The following RMDN2 variants were observed in gnomAD, a reference collection of about 807,000 sequenced individuals.
RMDN2 encodes regulator of microtubule dynamics 2, also known as regulator of microtubule dynamics protein 2.
In RMDN2, 61 loss-of-function variants were observed where a neutral mutation model predicts 52.8. The ratio of observed to expected loss-of-function variants is 1.16; its 90% CI spans 0.94 to 1.43. The LOEUF is 1.43. RMDN2 is among the 40% of genes most tolerant of loss of function. RMDN2 has a pLI of 0.00. For synonymous variants in RMDN2, 180 were observed against 153.1 expected (o/e 1.18, Z -1.30); for missense variants, 592 against 475.3 (o/e 1.25, Z -2.28).
chr2:38,063,173 G>C (rs1016254503), intron 10 of RMDN2, among the ~76,000 whole-genome samples: 8 of 152,160 alleles, frequency 5.3e-5, no homozygotes, highest in Non-Finnish European at 1.2e-4. Context: ...TCTAGTTCTA[G>C]ATCCCTCAGG....
intron 10 of RMDN2, among the ~76,000 whole-genome samples, chr2:38,007,429 C>G (rs572122722): frequency 1.3e-5 from 2 of 152,172 alleles, no homozygotes; most frequent in African/African-American, 4.8e-5. Context: ...CTGGTTTAGT[C>G]TTGGGAGGGT....
intron 10 of RMDN2, among the ~76,000 whole-genome samples, chr2:38,014,772 G>T (rs1003220042): frequency 1.3e-5 from 2 of 152,290 alleles, no homozygotes; most frequent in East Asian, 3.9e-4. Flanking sequence ...AATTATAGAG[G>T]TGTACTCTGC....
chr2:37,944,805 A>T (rs575768831), intron 2 of RMDN2, among the ~76,000 whole-genome samples: 1 of 152,316 alleles, frequency 6.6e-6, no homozygotes, highest in East Asian at 1.9e-4. Flanking sequence ...CAGAGAACAT[A>T]TATTTTATGT....
At position 37,997,494 on chromosome 2, in the gene RMDN2, G is replaced by T; in HGVS notation, c.1024G>T (p.Ala342Ser). 1 of 1,611,370 alleles carries T rather than the reference G, an allele frequency of 6.2e-7. No homozygotes were observed. The highest frequency in any genetic ancestry group is 8.5e-7 in the Non-Finnish European group (1 of 1,177,562). ...AATACCATCTTCAACTGTACAAGAAGCTTTACACAATTTCCTTAAGGTACA... is the reference window on the plus strand; with the variant it reads ...AATACCATCTTCAACTGTACAAGAATCTTTACACAATTTCCTTAAGGTACA... The part of the protein sequence containing the change: ...GKIPSSTVQE[A>S]LHNFLKAEEL... The change falls in exon 8 of 11, where the codon GCT (alanine) becomes TCT (serine). Residue 342 changes from alanine (A) to serine (S), a missense_variant. Physicochemically the swap from Ala to Ser is moderately conservative, Grantham distance 99. Coordinates refer to ENST00000354545, the MANE Select transcript of RMDN2 (RefSeq NM_001170791.3).
intron 10 of RMDN2, among the ~76,000 whole-genome samples, chr2:38,039,097 G>C (rs2084169): frequency 0.11 from 8,676 of 76,872 alleles, 357 homozygotes; most frequent in Non-Finnish European, 0.15. Context: ...CACACACAGA[G>C]AGAGAGATAA....
At chr2:37,972,195 T>C (rs997795459) in intron 2 of RMDN2, among the ~76,000 whole-genome samples, 1 of 152,176 alleles carries the variant, frequency 6.6e-6, no homozygotes, top group African/African-American at 2.4e-5. Context: ...ATGTTAATAT[T>C]ATATTCAGCC....
At chr2:37,965,406 G>T (rs1670906680) in intron 2 of RMDN2, among the ~76,000 whole-genome samples, 1 of 145,870 alleles carries the variant, frequency 6.9e-6, no homozygotes, top group East Asian at 2.0e-4. Flanking sequence ...ATGTTTTGTG[G>T]TTGCCATGGG....
At position 37,967,262 on chromosome 2, in the gene RMDN2, C is replaced by G. The variant is rs77657391; in HGVS notation, c.453-6778C>G. 9.2e-4 allele frequency among the ~76,000 whole-genome samples: 140 copies of G among 152,304 alleles called. 2 individuals are homozygous for G. The East Asian group carries it at 0.023, about 25-fold the overall frequency. On this transcript the variant is annotated intron_variant, in intron 2 of 10. Transcript: ENST00000354545. ...TTCTGACTAAAAAATTAAAGTTAAA[C>G]AAACTTTCCATTGAATGGGTGCTAA... is the stretch of plus-strand genomic sequence containing the variant.
At chr2:37,952,054 A>G in intron 2 of RMDN2, 2 of 1,613,332 alleles carry the variant, frequency 1.2e-6, no homozygotes, top group Non-Finnish European at 1.7e-6. Flanking sequence ...TTCCTCCATA[A>G]AGCTGGATTT....
intron 8 of RMDN2, among the ~76,000 whole-genome samples, chr2:37,999,510 T>C (rs1181393967): frequency 6.6e-6 from 1 of 152,182 alleles, no homozygotes; most frequent in Non-Finnish European, 1.5e-5. Flanking sequence ...ATGCCTTCCA[T>C]GTTGTTTGTC....
chr2:37,962,876 A>T (rs1390785035), intron 2 of RMDN2, among the ~76,000 whole-genome samples: 2 of 152,186 alleles, frequency 1.3e-5, no homozygotes, highest in Non-Finnish European at 2.9e-5. Flanking sequence ...CAAAAAACAT[A>T]GGAAAAGCGT....
chr2:37,936,218 G>C (rs557342142), intron 2 of RMDN2, among the ~76,000 whole-genome samples: 1 of 152,312 alleles, frequency 6.6e-6, no homozygotes, highest in South Asian at 2.1e-4. Context: ...TCCCTGCAAA[G>C]GACATGATCT....
chr2:37,982,065 C>G (rs1321879555), intron 5 of RMDN2, among the ~76,000 whole-genome samples: 1 of 151,998 alleles, frequency 6.6e-6, no homozygotes, highest in Non-Finnish European at 1.5e-5. Context: ...ATGTATGACC[C>G]TTTCTTCAGC....
At chr2:37,945,688 C>A (rs571973708) in intron 2 of RMDN2, among the ~76,000 whole-genome samples, 1 of 152,126 alleles carries the variant, frequency 6.6e-6, no homozygotes, top group African/African-American at 2.4e-5. Context: ...TAATTTTTTC[C>A]AGATCCTGTC....
At chr2:37,969,459 A>T (rs920397272) in intron 2 of RMDN2, among the ~76,000 whole-genome samples, 1 of 151,280 alleles carries the variant, frequency 6.6e-6, no homozygotes, top group Non-Finnish European at 1.5e-5. Flanking sequence ...GGTATCTTAT[A>T]TTTTTCTTAC....
At chr2:37,934,433 A>C (rs1184188746) in intron 2 of RMDN2, among the ~76,000 whole-genome samples, 2 of 152,236 alleles carry the variant, frequency 1.3e-5, no homozygotes, top group Non-Finnish European at 2.9e-5. Flanking sequence ...GGTGGCCCTC[A>C]GAGGGGTCTG....
intron 8 of RMDN2, chr2:37,998,034 T>C (rs562431234): frequency 1.1e-4 from 18 of 162,316 alleles, no homozygotes; most frequent in Admixed American, 1.9e-4. Flanking sequence ...TGTCTTAAAA[T>C]GTATAATCGC....
intron 10 of RMDN2, among the ~76,000 whole-genome samples, chr2:38,061,857 C>CCAGCAA (rs1275418147): frequency 6.6e-6 from 1 of 152,154 alleles, no homozygotes; most frequent in East Asian, 1.9e-4. Flanking sequence ...CTGGGAGGTT[C>CCAGCAA]CAGCTGTTGC....
chr2:37,939,463 G>A (rs1315579244), intron 2 of RMDN2, among the ~76,000 whole-genome samples: 12 of 152,188 alleles, frequency 7.9e-5, no homozygotes, highest in East Asian at 5.8e-4. Context: ...TTTCTGTCTC[G>A]TTGATTTGTC....
Sources: allele counts gnomAD v4.1 joint callset (sites outside exome capture counted in the v4.1 genomes callset), GRCh38; gene constraint gnomAD v4.1.1; transcripts MANE v1.5; gene names NCBI Gene and HGNC (gene_info 2026-07-23, HGNC 2026-07-21).